The following GPHN variants were observed in gnomAD, a reference collection of about 807,000 sequenced individuals.
The protein encoded by GPHN is gephyrin.
A neutral mutation model predicts 95.5 loss-of-function variants in GPHN; 17 were observed. The observed-to-expected ratio is 0.18, with a 90% confidence interval of 0.12 to 0.27. The LOEUF (loss-of-function observed/expected upper bound fraction) is 0.27. GPHN is among the 10% of genes least tolerant of loss of function. The pLI, the probability that GPHN is intolerant of heterozygous loss-of-function variation, is 1.00. For missense variants in GPHN, 660 were observed against 978.1 expected, an observed-to-expected ratio of 0.67 and a Z score of 4.34; for synonymous variants, 320 against 322.5, an observed-to-expected ratio of 0.99 and a Z score of 0.08.
At chr14:67,133,829 T>C (rs1168229693) in intron 17 of GPHN, among the ~76,000 whole-genome samples, 1 of 152,204 alleles carries the variant, frequency 6.6e-6, no homozygotes, top group African/African-American at 2.4e-5. Flanking sequence ...CTTAGAACTC[T>C]ACAGAGAGTG....
chr14:67,249,111 C>T, the GPHN span, among the ~76,000 whole-genome samples: 8 of 151,964 alleles, frequency 5.3e-5, no homozygotes, highest in East Asian at 1.9e-4. Flanking sequence ...TACAGGCACC[C>T]GCCATCATGC....
At chr14:66,544,987 T>C (rs2140102653) in intron 1 of GPHN, among the ~76,000 whole-genome samples, 1 of 152,280 alleles carries the variant, frequency 6.6e-6, no homozygotes, top group East Asian at 1.9e-4. Context: ...TGTGTCTACC[T>C]CCTACTACAC....
At chr14:66,691,191 T>TA (rs1377445245) in intron 2 of GPHN, among the ~76,000 whole-genome samples, 1 of 151,936 alleles carries the variant, frequency 6.6e-6, no homozygotes, top group African/African-American at 2.4e-5. Context: ...TTTTTATTTT[T>TA]TTTTTTTATT....
At chr14:67,054,418 G>A (rs1030728092) in intron 10 of GPHN, among the ~76,000 whole-genome samples, 1 of 152,148 alleles carries the variant, frequency 6.6e-6, no homozygotes, top group Non-Finnish European at 1.5e-5. Context: ...TCTTCAAGGA[G>A]AACTACAAAC....
chr14:66,980,197 A>G (rs987091483), intron 9 of GPHN, among the ~76,000 whole-genome samples: 25 of 152,220 alleles, frequency 1.6e-4, no homozygotes, highest in Non-Finnish European at 2.5e-4. Flanking sequence ...TGGTGACGAT[A>G]GATTCGCTTA....
chr14:66,960,986 T>C (rs959863385), intron 8 of GPHN, among the ~76,000 whole-genome samples: 4 of 152,130 alleles, frequency 2.6e-5, no homozygotes, highest in Non-Finnish European at 5.9e-5. Context: ...TGAACAAACA[T>C]TACCCAATGA....
chr14:67,627,889 G>A, the GPHN span, among the ~76,000 whole-genome samples: 2 of 152,196 alleles, frequency 1.3e-5, no homozygotes, highest in East Asian at 3.8e-4. Context: ...TAAATTATTG[G>A]AATGAGCTTG....
chr14:67,297,934 T>C, the GPHN span, among the ~76,000 whole-genome samples: 1 of 152,196 alleles, frequency 6.6e-6, no homozygotes, highest in Non-Finnish European at 1.5e-5. Flanking sequence ...TGAGTACATA[T>C]TATCTAGGCA....
the GPHN span, among the ~76,000 whole-genome samples, chr14:67,638,387 A>C: frequency 2.0e-5 from 3 of 152,134 alleles, no homozygotes; most frequent in Admixed American, 2.0e-4. Context: ...AAAGAAAAAA[A>C]ATGATTAAAG....
chr14:67,581,274 GCACACACA>G, the GPHN span, among the ~76,000 whole-genome samples: 2 of 148,000 alleles, frequency 1.4e-5, no homozygotes, highest in African/African-American at 5.0e-5. Context: ...GTGTGTATAT[GCACACACA>G]CACACACACA....
At chr14:67,514,903 G>A in the GPHN span, among the ~76,000 whole-genome samples, 3 of 152,326 alleles carry the variant, frequency 2.0e-5, no homozygotes, top group Admixed American at 1.3e-4. Flanking sequence ...CTCGAACCGG[G>A]GCAGCAGCCT....
At chr14:66,721,084 C>T (rs2070697127) in intron 2 of GPHN, among the ~76,000 whole-genome samples, 1 of 152,126 alleles carries the variant, frequency 6.6e-6, no homozygotes, top group African/African-American at 2.4e-5. Flanking sequence ...TTTATGAGCT[C>T]ATCAGTTGCT....
At chr14:67,496,015 G>A in the GPHN span, among the ~76,000 whole-genome samples, 89 of 152,256 alleles carry the variant, frequency 5.8e-4, 1 homozygote, top group Admixed American at 5.2e-3. Flanking sequence ...AGCTGTGTGT[G>A]GCCATGTTAG....
the GPHN span, among the ~76,000 whole-genome samples, chr14:67,426,820 T>C: frequency 6.6e-6 from 1 of 152,132 alleles, no homozygotes; most frequent in Non-Finnish European, 1.5e-5. Context: ...GGTGATCCAC[T>C]CAGCTCGGCC....
At chr14:67,678,108 G>T in the GPHN span, 2 of 495,818 alleles carry the variant, frequency 4.0e-6, no homozygotes, top group Non-Finnish European at 7.3e-6. Context: ...TAGTAACTCT[G>T]GCAGTAACAG....
At chr14:66,693,979 T>C (rs926814017) in intron 2 of GPHN, among the ~76,000 whole-genome samples, 3 of 152,074 alleles carry the variant, frequency 2.0e-5, no homozygotes, top group Admixed American at 6.5e-5. Context: ...ATAGGGGCAG[T>C]GTAGTATTGG....
chr14:66,786,546 T>A (rs1440965388), intron 3 of GPHN, among the ~76,000 whole-genome samples: 1 of 152,070 alleles, frequency 6.6e-6, no homozygotes, highest in Non-Finnish European at 1.5e-5. Context: ...TCTAGTATAA[T>A]GTTGATACCA....
intron 1 of GPHN, among the ~76,000 whole-genome samples, chr14:66,611,778 C>T (rs1267177598): frequency 6.6e-6 from 1 of 152,134 alleles, no homozygotes; most frequent in Non-Finnish European, 1.5e-5. Context: ...TGCCTGTGTC[C>T]GTGGCTTTCC....
chr14:66,593,502 A>G (rs1438052415), intron 1 of GPHN, among the ~76,000 whole-genome samples: 1 of 152,104 alleles, frequency 6.6e-6, no homozygotes, highest in Non-Finnish European at 1.5e-5. Flanking sequence ...TTATAAAACC[A>G]TAAGATCTTA....
Sources: gnomAD v4.1 joint callset for allele counts (sites outside exome capture counted in the v4.1 genomes callset) on GRCh38, gnomAD v4.1.1 for gene constraint, MANE v1.5 for transcripts, NCBI Gene and HGNC (gene_info 2026-07-23, HGNC 2026-07-21) for gene names.